WDR47: variants seen among roughly 807,000 people sequenced by gnomAD.
WDR47 encodes the protein WD repeat domain 47.
Under a neutral mutation model 97.2 loss-of-function variants are expected in WDR47, and 32 were observed. The ratio of observed to expected loss-of-function variants is 0.33; its 90% CI spans 0.25 to 0.44. The LOEUF (loss-of-function observed/expected upper bound fraction) is 0.44, where lower values mean the gene tolerates loss of function less well. WDR47 is among the 20% of genes least tolerant of loss of function. The pLI is 1.00. For missense variants in WDR47, 782 were observed against 1,102.3 expected (o/e 0.71, Z 4.11); for synonymous variants, 375 against 373.5 (o/e 1.00, Z -0.05).
At chr1:108,989,090 C>CA (rs1231246024) in intron 9 of WDR47, among the ~76,000 whole-genome samples, 1 of 152,128 alleles carries the variant, frequency 6.6e-6, no homozygotes, top group Non-Finnish European at 1.5e-5. Context: ...CCTGTCCATC[C>CA]AGATCTCTCT....
In WDR47 at chr1:108,995,087, T is replaced by C. The variant is rs939947169; in HGVS notation, c.1691+493A>G. Among the ~76,000 whole-genome samples, 6 of 152,326 alleles carry C rather than the reference T, an allele frequency of 3.9e-5. No homozygotes were observed. The South Asian group carries it at 1.0e-3, about 26-fold the overall frequency. Reference sequence around the variant, plus strand: ...TTCCCATTGCATAAATTAACACTTGTATACTAATGATAGCAAGATAAAAAT... The same window carrying C: ...TTCCCATTGCATAAATTAACACTTGCATACTAATGATAGCAAGATAAAAAT... On this transcript the variant is annotated intron_variant, in intron 8 of 14. Transcript: ENST00000369962.
chr1:109,029,671 C>CAAAATAAATAAA lies in WDR47; in HGVS notation c.-9-6151_-9-6150insTTTATTTATTTT, dbSNP rs1219433668. On this transcript the variant is annotated intron_variant, in intron 1 of 14. Transcript: ENST00000369962. ...TGGGTGACAGAGCGAGACTCTGTCT[C>CAAAATAAATAAA]TAAATAAATAAATAAATAAATAAAT... Among the ~76,000 whole-genome samples, 1,315 of 140,664 alleles carry CAAAATAAATAAA rather than the reference C, an allele frequency of 9.3e-3. 22 individuals are homozygous for CAAAATAAATAAA. The highest frequency in any genetic ancestry group is 0.033 in the African/African-American group (1,244 of 37,546). The allele number at this position is 140,664 out of a possible 152,430, so 92.3% of individuals were successfully genotyped here.
Position 109,013,884 on chromosome 1 carries a change from A to T in WDR47, c.284T>A (p.Leu95Ter). 1.2e-6 allele frequency: 2 copies of T among 1,613,164 alleles called. No individual in the cohort carries two copies. The highest frequency in any genetic ancestry group is 1.7e-6 in the Non-Finnish European group (2 of 1,179,876). Reference sequence around the variant, plus strand: ...TGCTGACATCGCGTTGTTAACACATAAAGCTTCTAAAAACTTCTGCTTCAG... The same window carrying T: ...TGCTGACATCGCGTTGTTAACACATTAAGCTTCTAAAAACTTCTGCTTCAG... Reference protein sequence around the residue: ...IILKQKFLEALCVNNAMSAED... With the variant: ...IILKQKFLEA Residue 95 changes from leucine (L) to a stop codon, truncating the protein, a stop_gained, in exon 4 of 15, where the codon TTA becomes TAA. Coordinates refer to ENST00000369962, the MANE Select transcript of WDR47 (RefSeq NM_001142551.2). LOFTEE classifies it high-confidence loss of function.
At chr1:109,010,130 T>C (rs757611305) in intron 5 of WDR47, among the ~76,000 whole-genome samples, 13 of 152,350 alleles carry the variant, frequency 8.5e-5, no homozygotes, top group Admixed American at 3.3e-4. Flanking sequence ...TCACAGCACA[T>C]GTATTATATC....
intron 2 of WDR47, among the ~76,000 whole-genome samples, chr1:109,018,545 T>C (rs1381942827): frequency 6.6e-6 from 1 of 152,162 alleles, no homozygotes; most frequent in Non-Finnish European, 1.5e-5. Flanking sequence ...CTGGGCGCAG[T>C]GGCTCATGTC....
At position 108,982,523 on chromosome 1, in the gene WDR47, G is replaced by A. The variant is rs1488896017; in HGVS notation, c.2266+86C>T. On this transcript the variant is annotated intron_variant, in intron 12 of 14. Coordinates refer to ENST00000369962, the MANE Select transcript of WDR47 (RefSeq NM_001142551.2). ...CTCTGGACAGTAAGAGCAAGACCCT[G>A]TCTCTTAGAAAAGAAAATGCAGAGA... The A allele has an allele frequency of 6.1e-6, 9 of 1,471,450 alleles. No individual in the cohort carries two copies. The East Asian group carries it at 1.8e-4, about 30-fold the overall frequency. The allele number at this position is 1,471,450 out of a possible 1,614,324, so 91.1% of individuals were successfully genotyped here.
At chr1:109,019,273 A>T (rs1325584871) in intron 2 of WDR47, among the ~76,000 whole-genome samples, 1 of 151,342 alleles carries the variant, frequency 6.6e-6, no homozygotes, top group East Asian at 1.9e-4. Context: ...ATCCCAGCTT[A>T]CTCGGGAAGC....
In WDR47 at chr1:109,018,541, G is replaced by A. The variant is rs75138982; in HGVS notation, c.159-940C>T. 1.8e-4 allele frequency among the ~76,000 whole-genome samples: 27 copies of A among 152,166 alleles called. No individual in the cohort carries two copies. The East Asian group carries it at 4.8e-3, about 27-fold the overall frequency. Reference sequence around the variant, plus strand: ...TTATTTTAAGAACAAGTGGCTGGGCGCAGTGGCTCATGTCTGTGGTCCCAG... The same window carrying A: ...TTATTTTAAGAACAAGTGGCTGGGCACAGTGGCTCATGTCTGTGGTCCCAG... On this transcript the variant is annotated intron_variant, in intron 2 of 14. Coordinates refer to ENST00000369962, the MANE Select transcript of WDR47 (RefSeq NM_001142551.2).
At chr1:109,024,992 T>C (rs74593282) in intron 1 of WDR47, 1 of 152,204 alleles carries the variant, frequency 6.6e-6, no homozygotes, top group East Asian at 1.9e-4. Context: ...AGACCATGTC[T>C]CTAAACAAAA....
In WDR47 at chr1:108,970,464, A is replaced by ATT. The variant is rs748398463; in HGVS notation, c.*964_*965dup. ...TCTACAAAGCTGTAGAAATAAAATC[A>ATT]TTATTCTGCATTACACAAAACAGTG... On this transcript the variant is annotated 3_prime_UTR_variant, in exon 15 of 15. Coordinates refer to ENST00000369962, the MANE Select transcript of WDR47 (RefSeq NM_001142551.2). 1 of 152,678 alleles carries ATT rather than the reference A, an allele frequency of 6.5e-6. No homozygotes were observed. The highest frequency in any genetic ancestry group is 1.5e-5 in the Non-Finnish European group (1 of 68,046). 9.5% of individuals were successfully genotyped at this position (152,678 alleles called of 1,614,324 possible).
intron 9 of WDR47, among the ~76,000 whole-genome samples, chr1:108,989,989 C>T (rs147148837): frequency 6.6e-6 from 1 of 152,236 alleles, no homozygotes; most frequent in East Asian, 1.9e-4. Context: ...GCCACTGCAT[C>T]CAGCCTTAAA....
intron 1 of WDR47, among the ~76,000 whole-genome samples, chr1:109,037,807 A>G (rs1410341525): frequency 6.6e-6 from 1 of 152,104 alleles, no homozygotes; most frequent in Non-Finnish European, 1.5e-5. Context: ...GTAATTATAA[A>G]TAGTATAAAA....
chr1:109,027,684 C>T (rs1164161454), intron 1 of WDR47, among the ~76,000 whole-genome samples: 2 of 152,006 alleles, frequency 1.3e-5, no homozygotes. Context: ...CCACCACGCC[C>T]GGCTAATTTT....
intron 2 of WDR47, among the ~76,000 whole-genome samples, chr1:109,020,071 A>T (rs1357705466): frequency 6.6e-6 from 1 of 151,650 alleles, no homozygotes; most frequent in Non-Finnish European, 1.5e-5. Context: ...ATATAGCAAG[A>T]TCCTACCTTT....
intron 2 of WDR47, 131 bp downstream of exon 2, chr1:109,023,224 T>C: frequency 1.1e-6 from 1 of 887,498 alleles, no homozygotes; most frequent in East Asian, 3.6e-5. Context: ...TAAAATAAAA[T>C]ATTTTTTAAA....
intron 1 of WDR47, among the ~76,000 whole-genome samples, chr1:109,033,530 T>C (rs943600427): frequency 6.6e-5 from 10 of 152,332 alleles, no homozygotes; most frequent in Admixed American, 2.6e-4. Context: ...AGTTACCCAT[T>C]TACGGCCTAC....
At chr1:109,025,258 C>T (rs760967592) in intron 1 of WDR47, among the ~76,000 whole-genome samples, 2 of 150,702 alleles carry the variant, frequency 1.3e-5, no homozygotes, top group Non-Finnish European at 3.0e-5. Flanking sequence ...GGCAACATGG[C>T]GAAACATGGT....
intron 3 of WDR47, 137 bp from the exon 4 acceptor site, chr1:109,014,062 C>T: frequency 1.7e-6 from 1 of 581,292 alleles, no homozygotes; most frequent in South Asian, 2.4e-5. Context: ...GAAGCCATAA[C>T]TGAAGTTCAG....
chr1:109,012,107 C>A (rs1324218525), intron 4 of WDR47, among the ~76,000 whole-genome samples: 3 of 151,986 alleles, frequency 2.0e-5, no homozygotes. Context: ...CACACTGTGC[C>A]CAGCTCTCAA....
Sources: allele counts gnomAD v4.1 joint callset (sites outside exome capture counted in the v4.1 genomes callset), GRCh38; gene constraint gnomAD v4.1.1; transcripts MANE v1.5; gene names NCBI Gene and HGNC (gene_info 2026-07-23, HGNC 2026-07-21).